Variants in RSPO3 observed in about 807,000 individuals in gnomAD.
The protein encoded by RSPO3 is R-spondin-3.
RSPO3 carries 17 observed loss-of-function variants against 36.5 expected under a neutral mutation model. The observed-to-expected ratio is 0.47, with a 90% CI of 0.32 to 0.70. The LOEUF is 0.70. Ranked by LOEUF, RSPO3 falls within the 30% of genes least tolerant of loss-of-function variation. The probability of loss-of-function intolerance (pLI) is 0.04; values close to 1 mark genes in which losing one functional copy is unlikely to be tolerated. For synonymous variants in RSPO3, 108 were observed against 107.0 expected (o/e 1.01, Z -0.06); for missense variants, 294 against 322.5 (o/e 0.91, Z 0.68).
At chr6:127,123,422 T>C (rs912123167) in intron 1 of RSPO3, among the ~76,000 whole-genome samples, 1 of 152,164 alleles carries the variant, frequency 6.6e-6, no homozygotes, top group Non-Finnish European at 1.5e-5. Context: ...AAGTGTATTC[T>C]TTGATACGTC....
At position 127,157,223 on chromosome 6, in the gene RSPO3, C is replaced by T. The variant is rs73775206; in HGVS notation, c.634+1785C>T. On this transcript the variant is annotated intron_variant, in intron 4 of 4. Coordinates refer to ENST00000356698, the MANE Select transcript of RSPO3 (RefSeq NM_032784.5). ...ACATTTACTTATGTTTACTAAATTTCCTTAAAATTTAATGACTTACAGGTG... is the reference window on the plus strand; with the variant it reads ...ACATTTACTTATGTTTACTAAATTTTCTTAAAATTTAATGACTTACAGGTG... Among the ~76,000 whole-genome samples the T allele has an allele frequency of 4.6e-3, 702 of 152,170 alleles. 5 individuals are homozygous for T. The highest frequency in any genetic ancestry group is 0.016 in the African/African-American group (657 of 41,540).
At position 127,155,528 on chromosome 6, in the gene RSPO3, C is replaced by T. The variant is rs1182019174; in HGVS notation, c.634+90C>T. 41 of 1,155,816 alleles carry T rather than the reference C, an allele frequency of 3.5e-5. No individual in the cohort carries two copies. The South Asian group carries it at 5.6e-4, about 16-fold the overall frequency. 71.6% of individuals were successfully genotyped at this position (1,155,816 alleles called of 1,614,324 possible). On this transcript the variant is annotated intron_variant, in intron 4 of 4. Transcript: ENST00000356698. ...TTTCTTATGAAACACTTGGCATTATCTTTCATGCCTAATATCCTAAAATGT... is the reference window on the plus strand; with the variant it reads ...TTTCTTATGAAACACTTGGCATTATTTTTCATGCCTAATATCCTAAAATGT...
At chr6:127,126,006 A>G (rs1431134582) in intron 1 of RSPO3, among the ~76,000 whole-genome samples, 1 of 152,188 alleles carries the variant, frequency 6.6e-6, no homozygotes, top group East Asian at 1.9e-4. Flanking sequence ...AATTTCTTTT[A>G]ATCAAATCAG....
chr6:127,131,184 C>T (rs1426572094), intron 1 of RSPO3, among the ~76,000 whole-genome samples: 1 of 152,028 alleles, frequency 6.6e-6, no homozygotes, highest in East Asian at 1.9e-4. Flanking sequence ...CAATCAATAA[C>T]ATTTGCTATC....
At chr6:127,155,876 G>GTATATA (rs35711172) in intron 4 of RSPO3, among the ~76,000 whole-genome samples, 11,687 of 148,482 alleles carry the variant, frequency 0.079, 1,020 homozygotes, top group African/African-American at 0.22. Flanking sequence ...GTAGCTAAGT[G>GTATATA]TATATATATA....
At chr6:127,189,557 G>A (rs1455074184) in intron 4 of RSPO3, among the ~76,000 whole-genome samples, 1 of 152,034 alleles carries the variant, frequency 6.6e-6, no homozygotes, top group African/African-American at 2.4e-5. Context: ...TTATGTTCTT[G>A]TTTCTAAATT....
chr6:127,150,272 G>A (rs910433289), intron 2 of RSPO3, among the ~76,000 whole-genome samples, 154 bp from the exon 3 acceptor site: 3 of 151,838 alleles, frequency 2.0e-5, no homozygotes, highest in African/African-American at 7.3e-5. Context: ...AATCACTGTG[G>A]AGGAATCGTG....
intron 4 of RSPO3, among the ~76,000 whole-genome samples, chr6:127,178,061 C>A (rs1287534577): frequency 1.3e-5 from 2 of 151,680 alleles, no homozygotes; most frequent in Admixed American, 1.3e-4. Context: ...AGATGCATGT[C>A]TAGGACTGTG....
intron 4 of RSPO3, among the ~76,000 whole-genome samples, chr6:127,167,574 A>C (rs1037142987): frequency 2.6e-5 from 4 of 151,966 alleles, no homozygotes; most frequent in Admixed American, 6.6e-5. Context: ...CTAGTGCTGC[A>C]GTGAACATAT....
At chr6:127,121,739 G>T (rs1269864599) in intron 1 of RSPO3, among the ~76,000 whole-genome samples, 1 of 152,064 alleles carries the variant, frequency 6.6e-6, no homozygotes, top group African/African-American at 2.4e-5. Context: ...TGAAATCTCT[G>T]GGGGAAAAAA....
At chr6:127,154,038 T>C (rs1027036124) in intron 3 of RSPO3, among the ~76,000 whole-genome samples, 2 of 152,164 alleles carry the variant, frequency 1.3e-5, no homozygotes, top group Non-Finnish European at 2.9e-5. Flanking sequence ...ATTTAATCAA[T>C]TCCATTTAAT....
intron 4 of RSPO3, among the ~76,000 whole-genome samples, chr6:127,184,639 G>A (rs989677022): frequency 6.6e-6 from 1 of 152,038 alleles, no homozygotes; most frequent in African/African-American, 2.4e-5. Flanking sequence ...CATTCTGAAA[G>A]TTTGTGAAGA....
At chr6:127,146,789 G>A (rs905561789) in intron 1 of RSPO3, among the ~76,000 whole-genome samples, 23 of 151,926 alleles carry the variant, frequency 1.5e-4, no homozygotes, top group African/African-American at 5.6e-4. Flanking sequence ...CTATGAAAAG[G>A]TCTTACAAGT....
chr6:127,129,385 C>T (rs1047198085), intron 1 of RSPO3, among the ~76,000 whole-genome samples: 1 of 152,028 alleles, frequency 6.6e-6, no homozygotes, highest in Non-Finnish European at 1.5e-5. Flanking sequence ...GAAGTCTGGG[C>T]TTCCTGACAG....
At position 127,197,714 on chromosome 6, in the gene RSPO3, G is replaced by A. The variant is rs1775544320; in HGVS notation, c.*1707G>A. The A allele has an allele frequency of 1.8e-6, 1 of 552,694 alleles. No homozygotes were observed. The highest frequency in any genetic ancestry group is 3.0e-6 in the Non-Finnish European group (1 of 330,938). 34.2% of individuals were successfully genotyped at this position (552,694 alleles called of 1,614,324 possible). The stretch of plus-strand genomic sequence containing the variant: ...TTCATGTAATCTACTTGGCTTAATT[G>A]ATTTTCCACTTCTCTCTTCCTCTTC... On this transcript the variant is annotated 3_prime_UTR_variant, in exon 5 of 5. Transcript: ENST00000356698.
intron 4 of RSPO3, among the ~76,000 whole-genome samples, chr6:127,191,442 T>C (rs746287556): frequency 2.0e-5 from 3 of 152,146 alleles, no homozygotes; most frequent in Non-Finnish European, 4.4e-5. Context: ...GATCTAGGAA[T>C]CTGTATTTTT....
chr6:127,179,720 A>G (rs1327712750), intron 4 of RSPO3, among the ~76,000 whole-genome samples: 1 of 151,912 alleles, frequency 6.6e-6, no homozygotes, highest in Non-Finnish European at 1.5e-5. Context: ...TCAAGGCATC[A>G]GTAAGGCTGT....
rs989000923 is a variant in RSPO3 at position 127,199,417 on chromosome 6, A to C, written c.*3410A>C. Among the ~76,000 whole-genome samples the C allele has an allele frequency of 2.0e-5, 3 of 152,220 alleles. No homozygotes were observed. Among genetic ancestry groups the C allele is most frequent in the Non-Finnish European group, 1.5e-5 (1 of 68,034 alleles). ...ATGTACATGCATGATAATTTCAAGG[A>C]ATAAGTATATATGTGAGAATCATGG... On this transcript the variant is annotated 3_prime_UTR_variant, in exon 5 of 5. Transcript: ENST00000356698.
chr6:127,138,905 T>C (rs1774213239), intron 1 of RSPO3, among the ~76,000 whole-genome samples: 1 of 152,162 alleles, frequency 6.6e-6, no homozygotes, highest in Admixed American at 6.5e-5. Context: ...AAAACCAGAC[T>C]CTAAATGAGT....
Sources: allele counts gnomAD v4.1 joint callset (sites outside exome capture counted in the v4.1 genomes callset), GRCh38; gene constraint gnomAD v4.1.1; transcripts MANE v1.5; gene names NCBI Gene and HGNC (gene_info 2026-07-23, HGNC 2026-07-21).